Variants in DNA2 observed in about 807,000 individuals in gnomAD.
DNA2 encodes DNA replication ATP-dependent helicase/nuclease DNA2.
Under a neutral mutation model 119.1 loss-of-function variants are expected in DNA2, and 101 were observed. The observed-to-expected ratio is 0.85, with a 90% CI of 0.72 to 1.00. DNA2 has a LOEUF of 1.00. DNA2 is among the 50% of genes least tolerant of loss of function. The pLI, the probability that DNA2 is intolerant of heterozygous loss-of-function variation, is 0.00. For synonymous variants in DNA2, 366 were observed against 424.4 expected (o/e 0.86, Z 1.69); for missense variants, 1,121 against 1,255.5 (o/e 0.89, Z 1.62).
chr10:68,428,169 T>C (rs1180478465), intron 14 of DNA2, among the ~76,000 whole-genome samples: 1 of 150,744 alleles, frequency 6.6e-6, no homozygotes, highest in African/African-American at 2.4e-5. Context: ...CTAGTAAAAA[T>C]ACAAAGAATT....
At chr10:68,427,923 C>T (rs1346841118) in intron 14 of DNA2, among the ~76,000 whole-genome samples, 1 of 151,690 alleles carries the variant, frequency 6.6e-6, no homozygotes, top group Admixed American at 6.6e-5. Context: ...ATCCTAGCTA[C>T]TCAGGAGGCT....
Position 68,416,871 on chromosome 10 carries a change from T to C in DNA2, c.2968-16A>G. The C allele has an allele frequency of 6.3e-7, 1 of 1,596,438 alleles. No individual in the cohort carries two copies. Among genetic ancestry groups the C allele is most frequent in the Non-Finnish European group, 8.5e-7 (1 of 1,170,338 alleles). On this transcript the variant is annotated splice_polypyrimidine_tract_variant and intron_variant, in intron 19 of 20. Coordinates refer to ENST00000358410, the MANE Select transcript of DNA2 (RefSeq NM_001080449.3). ...GTTCACCAACCTGTAAGAAATATAA[T>C]TTTCAATTATTCAAGTTCAAAGGAA...
At chr10:68,419,311 ATGTT>A in intron 18 of DNA2, 98 bp from the exon 19 acceptor site, 1 of 950,298 alleles carries the variant, frequency 1.1e-6, no homozygotes, top group Non-Finnish European at 1.5e-6. Flanking sequence ...TGCCCAACTG[ATGTT>A]TATAACAAAC....
intron 6 of DNA2, among the ~76,000 whole-genome samples, chr10:68,447,406 A>T (rs1181194982): frequency 6.6e-6 from 1 of 150,434 alleles, no homozygotes; most frequent in East Asian, 2.0e-4. Flanking sequence ...TAATCCAGCT[A>T]CTTGAGAGGC....
intron 7 of DNA2, 104 bp downstream of exon 7, chr10:68,446,192 C>A (rs2052036998): frequency 1.3e-5 from 8 of 630,680 alleles, no homozygotes; most frequent in South Asian, 2.1e-5. Context: ...CAAATTATAA[C>A]CTATTAAGTG....
intron 14 of DNA2, among the ~76,000 whole-genome samples, chr10:68,423,577 CCACA>C: frequency 1.3e-5 from 2 of 152,308 alleles, no homozygotes; most frequent in South Asian, 4.1e-4. Context: ...AAGTACAGCC[CCACA>C]ACCACAGACA....
intron 4 of DNA2, chr10:68,461,646 T>G (rs1334582770): frequency 2.6e-5 from 4 of 151,990 alleles, no homozygotes; most frequent in Non-Finnish European, 5.9e-5. Context: ...CTGACCAACG[T>G]GGAGAAACCC....
intron 4 of DNA2, among the ~76,000 whole-genome samples, chr10:68,459,940 T>C (rs1188743615): frequency 6.6e-6 from 1 of 151,196 alleles, no homozygotes; most frequent in Non-Finnish European, 1.5e-5. Context: ...GGCAGGAGAA[T>C]TGCTGGAATC....
chr10:68,447,923 G>A (rs1435391018), intron 6 of DNA2, among the ~76,000 whole-genome samples: 1 of 151,050 alleles, frequency 6.6e-6, no homozygotes, highest in African/African-American at 2.4e-5. Context: ...GGCAGAGCTT[G>A]CAGTGAGCCG....
At chr10:68,440,708 T>C (rs2051956606) in intron 9 of DNA2, among the ~76,000 whole-genome samples, 1 of 152,182 alleles carries the variant, frequency 6.6e-6, no homozygotes, top group South Asian at 2.1e-4. Context: ...TCACTACACA[T>C]ACGCAGTCTA....
intron 20 of DNA2, 71 bp downstream of exon 20, chr10:68,416,638 A>T: frequency 6.8e-7 from 1 of 1,475,540 alleles, no homozygotes; most frequent in Non-Finnish European, 9.4e-7. Context: ...TGAGAGCTTT[A>T]ATTTAAACAA....
intron 5 of DNA2, among the ~76,000 whole-genome samples, chr10:68,453,409 G>A (rs1002577151): frequency 6.6e-6 from 1 of 151,972 alleles, no homozygotes; most frequent in South Asian, 2.1e-4. Flanking sequence ...CAGTACAGTT[G>A]CGGAACATCG....
At chr10:68,446,174 C>A (rs763072832) in intron 7 of DNA2, 122 bp downstream of exon 7, 49 of 589,112 alleles carry the variant, frequency 8.3e-5, no homozygotes, top group Admixed American at 9.9e-5. Context: ...AAAAAAAACC[C>A]ACAGCTACAA....
chr10:68,468,372 G>A, intron 2 of DNA2, 66 bp from the exon 3 acceptor site: 1 of 1,079,490 alleles, frequency 9.3e-7, no homozygotes, highest in African/African-American at 1.6e-5. Context: ...ACGTATTAGG[G>A]AGGCTTCAAA....
chr10:68,460,419 AT>A lies in DNA2; in HGVS notation c.588-1185del, dbSNP rs202173711. On this transcript the variant is annotated intron_variant, in intron 4 of 20. Transcript: ENST00000358410. ...CCACCGCACCTGACCTAATACGGTA[AT>A]TTTTTTTTTTTTTTGAGAGAGAGTT... Among the ~76,000 whole-genome samples, 527 of 142,852 alleles carry A rather than the reference AT, an allele frequency of 3.7e-3. 2 individuals carry two copies. The highest frequency in any genetic ancestry group is 7.9e-3 in the African/African-American group (306 of 38,586). 93.7% of individuals were successfully genotyped at this position (142,852 alleles called of 152,430 possible).
chr10:68,457,515 C>T (rs944431611), intron 5 of DNA2, among the ~76,000 whole-genome samples: 6 of 152,078 alleles, frequency 3.9e-5, no homozygotes, highest in Non-Finnish European at 7.4e-5. Flanking sequence ...CCTCATTGTT[C>T]GGCACTGCAT....
intron 5 of DNA2, among the ~76,000 whole-genome samples, chr10:68,452,087 C>A (rs1029055141): frequency 2.0e-5 from 3 of 151,924 alleles, no homozygotes; most frequent in African/African-American, 7.3e-5. Flanking sequence ...ATTTCTTTTT[C>A]TTTCTTTCTT....
intron 4 of DNA2, among the ~76,000 whole-genome samples, chr10:68,461,139 A>G (rs2052252447): frequency 6.6e-6 from 1 of 152,212 alleles, no homozygotes. Context: ...ATGAAAGGAC[A>G]GTATATAGGA....
At chr10:68,471,101 ACCAAAGGAGGGT>A (rs2052376753) in intron 1 of DNA2, among the ~76,000 whole-genome samples, 1 of 152,190 alleles carries the variant, frequency 6.6e-6, no homozygotes, top group African/African-American at 2.4e-5. Flanking sequence ...TCAGTGAGGG[ACCAAAGGAGGGT>A]CCAAAGTCAT....
Sources: allele counts gnomAD v4.1 joint callset (sites outside exome capture counted in the v4.1 genomes callset), GRCh38; gene constraint gnomAD v4.1.1; transcripts MANE v1.5; gene names NCBI Gene and HGNC (gene_info 2026-07-23, HGNC 2026-07-21).